PPP2R1A: variants seen among roughly 807,000 people sequenced by gnomAD.
PPP2R1A encodes the protein serine/threonine-protein phosphatase 2A 65 kDa regulatory subunit A alpha isoform.
PPP2R1A carries 15 observed loss-of-function variants against 67.1 expected under a neutral mutation model. That is an observed-to-expected ratio of 0.22 (90% CI 0.15 to 0.34). The LOEUF (loss-of-function observed/expected upper bound fraction) is 0.34. PPP2R1A is among the 10% of genes least tolerant of loss of function. PPP2R1A has a pLI of 1.00. For synonymous variants in PPP2R1A, 337 were observed against 325.0 expected (o/e 1.04, Z -0.40); for missense variants, 369 against 775.0 (o/e 0.48, Z 6.22).
chr19:52,210,728 G>C (rs1323731840), intron 3 of PPP2R1A, among the ~76,000 whole-genome samples: 1 of 152,028 alleles, frequency 6.6e-6, no homozygotes, highest in Non-Finnish European at 1.5e-5. Context: ...TCCTGACCTC[G>C]TGATCCACCC....
rs2122328925 is a variant in PPP2R1A at position 52,211,146 on chromosome 19, G to A, written c.271-114G>A. ...GCTATTTTAATGAAGGTCGGGATGG[G>A]TAATAGGGAAGTTTTCTCTGAGGAG... On this transcript the variant is annotated intron_variant, in intron 3 of 14. Coordinates refer to ENST00000322088, the MANE Select transcript of PPP2R1A (RefSeq NM_014225.6). The surrounding 1 kb of genome is among the most constrained non-coding windows in gnomAD (Gnocchi z 5.3). The A allele has an allele frequency of 1.1e-6, 1 of 935,040 alleles. No homozygotes were observed. The highest frequency in any genetic ancestry group is 1.6e-5 in the South Asian group (1 of 60,616). 57.9% of individuals were successfully genotyped at this position (935,040 alleles called of 1,614,324 possible). A position where few individuals can be genotyped will look rare whatever the true frequency, so the allele number is the denominator to read the frequency against.
Position 52,216,645 on chromosome 19 carries a change from G to A in PPP2R1A, c.1110G>A (p.Leu370=). 2 of 1,614,130 alleles carry A rather than the reference G, an allele frequency of 1.2e-6. No individual in the cohort carries two copies. Among genetic ancestry groups the A allele is most frequent in the Non-Finnish European group, 1.7e-6 (2 of 1,180,030 alleles). Residue 370 remains leucine, a synonymous_variant, in exon 9 of 15, where the codon CTG becomes CTA. Transcript: ENST00000322088. This position sits in a 1 kb window ranked among gnomAD's most constrained non-coding sequence, Gnocchi z 4.3. ...TCGAGCACCTCTTGCCCCTCTTCCT[G>A]GCTCAGCTGAAGGATGAGGTAAGGG... ...NTIEHLLPLF[L]AQLKDECPEV...
At chr19:52,210,661 T>C (rs970856916) in intron 3 of PPP2R1A, among the ~76,000 whole-genome samples, 1 of 151,872 alleles carries the variant, frequency 6.6e-6, no homozygotes, top group African/African-American at 2.4e-5. Flanking sequence ...CCAGCTAATT[T>C]TTTTGTATTT....
In PPP2R1A at chr19:52,216,684, G is replaced by C; in HGVS notation, c.1128+21G>C. ...ATGAGGTAAGGGCACCAGGATCTCA[G>C]CTCTGGGTTTGTGGAGGGGACAGGC... On this transcript the variant is annotated intron_variant, in intron 9 of 14. Coordinates refer to ENST00000322088, the MANE Select transcript of PPP2R1A (RefSeq NM_014225.6). The surrounding 1 kb of genome is among the most constrained non-coding windows in gnomAD (Gnocchi z 4.3). 2 of 1,614,126 alleles carry C rather than the reference G, an allele frequency of 1.2e-6. No individual in the cohort carries two copies. The highest frequency in any genetic ancestry group is 1.7e-6 in the Non-Finnish European group (2 of 1,180,028).
At chr19:52,223,353 T>G (rs958170975) in intron 13 of PPP2R1A, among the ~76,000 whole-genome samples, 4 of 152,202 alleles carry the variant, frequency 2.6e-5, no homozygotes, top group African/African-American at 9.6e-5. Context: ...AGGCACAGAT[T>G]TGTTAAACAG....
chr19:52,222,425 A>G (rs1390614878), intron 13 of PPP2R1A, 184 bp downstream of exon 13: 7 of 874,292 alleles, frequency 8.0e-6, no homozygotes, highest in Admixed American at 7.5e-5. Flanking sequence ...CACAGCATGA[A>G]ATAGAAAGAG....
Position 52,215,889 on chromosome 19 carries a change from C to G in PPP2R1A, c.918C>G (p.Val306=). 6.2e-7 allele frequency: 1 copy of G among 1,613,998 alleles called. No individual in the cohort carries two copies. Among genetic ancestry groups the G allele is most frequent in the Non-Finnish European group, 8.5e-7 (1 of 1,179,932 alleles). Residue 306 remains valine (V), a synonymous_variant, in exon 7 of 15, where the codon GTC becomes GTG. Coordinates refer to ENST00000322088, the MANE Select transcript of PPP2R1A (RefSeq NM_014225.6). ...TGAGGGCCGCAGCCTCCCACAAGGT[C>G]AAAGGTTGGTGCTGGCAGCCGGAAC... The part of the protein sequence containing the change: ...AEVRAAASHK[V]KEFCENLSAD...
At chr19:52,195,917 C>G (rs932258790) in intron 1 of PPP2R1A, among the ~76,000 whole-genome samples, 1 of 152,206 alleles carries the variant, frequency 6.6e-6, no homozygotes, top group Non-Finnish European at 1.5e-5. Flanking sequence ...CCTTGACCTT[C>G]AGCCCCTCTC....
At chr19:52,221,304 T>G (rs1978911647) in intron 12 of PPP2R1A, among the ~76,000 whole-genome samples, 171 bp downstream of exon 12, 1 of 152,068 alleles carries the variant, frequency 6.6e-6, no homozygotes, top group Admixed American at 6.6e-5. Flanking sequence ...GGGGTGGGGC[T>G]CCCAGGGTCA....
intron 1 of PPP2R1A, among the ~76,000 whole-genome samples, chr19:52,193,085 G>GT (rs1420490535): frequency 6.6e-6 from 1 of 152,198 alleles, no homozygotes; most frequent in Non-Finnish European, 1.5e-5. Flanking sequence ...TATCACTGAC[G>GT]ATCTTACTGA....
At chr19:52,196,750 C>G (rs1035017095) in intron 1 of PPP2R1A, among the ~76,000 whole-genome samples, 6 of 152,130 alleles carry the variant, frequency 3.9e-5, no homozygotes, top group Non-Finnish European at 8.8e-5. Context: ...TGTCAGGGTC[C>G]CAGGCTCTTA....
In PPP2R1A at chr19:52,228,224, G is replaced by A. The variant is rs1979376943; in HGVS notation, c.*2243G>A. 6.6e-6 allele frequency: 1 copy of A among 152,292 alleles called. No homozygotes were observed. Among genetic ancestry groups the A allele is most frequent in the African/African-American group, 2.4e-5 (1 of 41,426 alleles). 9.4% of individuals were successfully genotyped at this position (152,292 alleles called of 1,614,324 possible). A position where few individuals can be genotyped will look rare whatever the true frequency, so the allele number is the denominator to read the frequency against. On this transcript the variant is annotated 3_prime_UTR_variant, in exon 15 of 15. Transcript: ENST00000322088. ...TTATTACAGGAGGTGGAGGTGCGAT[G>A]GATACCCAGGATGTGCTGGGTAATG... is the stretch of plus-strand genomic sequence containing the variant.
In PPP2R1A at chr19:52,226,605, C is replaced by G. The variant is rs1161969287; in HGVS notation, c.*624C>G. The G allele has an allele frequency of 1.1e-5, 2 of 188,964 alleles. No individual in the cohort carries two copies. Among genetic ancestry groups the G allele is most frequent in the Non-Finnish European group, 2.2e-5 (2 of 90,032 alleles). 11.7% of individuals were successfully genotyped at this position (188,964 alleles called of 1,614,324 possible). On this transcript the variant is annotated 3_prime_UTR_variant, in exon 15 of 15. Transcript: ENST00000322088. ...TGGGGTAGAGGGTCCATGAGGTGCTCTGGGTGGTGTCCTGTAGTGCAGTTC... is the reference window on the plus strand; with the variant it reads ...TGGGGTAGAGGGTCCATGAGGTGCTGTGGGTGGTGTCCTGTAGTGCAGTTC...
At chr19:52,200,945 G>GGACATA (rs1237525236) in intron 1 of PPP2R1A, 2 of 152,032 alleles carry the variant, frequency 1.3e-5, no homozygotes, top group African/African-American at 4.8e-5. Context: ...CACGTCACTG[G>GGACATA]ATTCAAGGCT....
intron 1 of PPP2R1A, among the ~76,000 whole-genome samples, chr19:52,193,124 C>T (rs376408701): frequency 6.6e-6 from 1 of 152,224 alleles, no homozygotes; most frequent in Non-Finnish European, 1.5e-5. Flanking sequence ...TGAAGTAGGT[C>T]CTGTCCTTGT....
intron 13 of PPP2R1A, among the ~76,000 whole-genome samples, chr19:52,223,562 T>C (rs1479789495): frequency 6.6e-6 from 1 of 152,154 alleles, no homozygotes; most frequent in Non-Finnish European, 1.5e-5. Flanking sequence ...AAGACTTGAA[T>C]AGGCACTTGA....
Position 52,219,714 on chromosome 19 carries a change from C to T in PPP2R1A, c.1152C>T (p.Ile384=). ...KDECPEVRLN[I]ISNLDCVNEV... ...AGTGCCCTGAGGTACGGCTGAACAT[C>T]ATCTCTAACCTGGACTGTGTGAACG... The change falls in exon 10 of 15, where the codon ATC becomes ATT. Residue 384 remains isoleucine (I), a synonymous_variant. Coordinates refer to ENST00000322088, the MANE Select transcript of PPP2R1A (RefSeq NM_014225.6). This position sits in a 1 kb window ranked among gnomAD's most constrained non-coding sequence, Gnocchi z 4.0. The T allele has an allele frequency of 6.2e-7, 1 of 1,613,440 alleles. No homozygotes were observed. The highest frequency in any genetic ancestry group is 2.2e-5 in the East Asian group (1 of 44,860).
In PPP2R1A at chr19:52,216,345, T is replaced by C. The variant is rs541428195; in HGVS notation, c.994-184T>C. Among the ~76,000 whole-genome samples, 2 of 152,220 alleles carry C rather than the reference T, an allele frequency of 1.3e-5. No individual in the cohort carries two copies. Among genetic ancestry groups the C allele is most frequent in the East Asian group, 1.9e-4 (1 of 5,178 alleles). ...TGGGGGCTGCTGAGAGCAGGGGTCA[T>C]TGAACTCTTAAGTAGGTGGTACTCA... On this transcript the variant is annotated intron_variant, in intron 8 of 14. Coordinates refer to ENST00000322088, the MANE Select transcript of PPP2R1A (RefSeq NM_014225.6). The surrounding 1 kb of genome is among the most constrained non-coding windows in gnomAD (Gnocchi z 4.3).
chr19:52,193,273 T>G (rs2089470494), intron 1 of PPP2R1A, among the ~76,000 whole-genome samples: 1 of 152,242 alleles, frequency 6.6e-6, no homozygotes, highest in Non-Finnish European at 1.5e-5. Context: ...GGTTGCTGAT[T>G]ATATTCATAT....
Sources: gnomAD v4.1 joint callset for allele counts (sites outside exome capture counted in the v4.1 genomes callset) on GRCh38, gnomAD v4.1.1 for gene constraint, Gnocchi (gnomAD v3.1) non-coding constraint, MANE v1.5 for transcripts, NCBI Gene and HGNC (gene_info 2026-07-23, HGNC 2026-07-21) for gene names.